ASIC2: variants seen among roughly 807,000 people sequenced by gnomAD.
The protein encoded by ASIC2 is acid sensing ion channel subunit 2, also known as acid-sensing ion channel 2.
ASIC2 carries 25 observed loss-of-function variants against 57.3 expected under a neutral mutation model. That is an observed-to-expected ratio of 0.44 (90% CI 0.32 to 0.61). The LOEUF (loss-of-function observed/expected upper bound fraction) is 0.61. ASIC2 is among the 20% of genes least tolerant of loss of function. ASIC2 has a pLI of 0.06. For synonymous variants in ASIC2, 319 were observed against 307.5 expected (o/e 1.04, Z -0.39); for missense variants, 641 against 738.1 (o/e 0.87, Z 1.52).
intron 1 of ASIC2, among the ~76,000 whole-genome samples, chr17:34,030,360 T>C (rs1448193963): frequency 1.3e-5 from 2 of 152,152 alleles, no homozygotes; most frequent in Non-Finnish European, 1.5e-5. Context: ...ATTAACACCA[T>C]CCGAATGTTT....
chr17:33,498,766 A>G (rs955972922), intron 1 of ASIC2, among the ~76,000 whole-genome samples: 2 of 152,168 alleles, frequency 1.3e-5, no homozygotes, highest in Admixed American at 6.5e-5. Context: ...GCTCTTCCCA[A>G]TGTTGTGGAA....
chr17:34,006,512 C>T (rs1216978703), intron 1 of ASIC2: 1 of 152,138 alleles, frequency 6.6e-6, no homozygotes, highest in African/African-American at 2.4e-5. Flanking sequence ...AGGTTCCTCA[C>T]CTGAAAATCA....
At chr17:33,465,898 G>A (rs1912848800) in intron 1 of ASIC2, among the ~76,000 whole-genome samples, 1 of 152,142 alleles carries the variant, frequency 6.6e-6, no homozygotes, top group South Asian at 2.1e-4. Flanking sequence ...CTTGGTAGCT[G>A]TTGGATTCAA....
chr17:34,055,807 G>A (rs896810919), intron 1 of ASIC2, among the ~76,000 whole-genome samples: 3 of 152,112 alleles, frequency 2.0e-5, no homozygotes, highest in African/African-American at 7.2e-5. Flanking sequence ...CCAATTTTTG[G>A]CTAATGTAAA....
chr17:33,647,623 A>G (rs765409546), intron 1 of ASIC2, among the ~76,000 whole-genome samples: 1 of 152,100 alleles, frequency 6.6e-6, no homozygotes, highest in Non-Finnish European at 1.5e-5. Flanking sequence ...TTCACCCATG[A>G]GTGTGTGTGC....
At chr17:33,867,009 G>A (rs1036151887) in intron 1 of ASIC2, among the ~76,000 whole-genome samples, 1 of 152,216 alleles carries the variant, frequency 6.6e-6, no homozygotes, top group African/African-American at 2.4e-5. Flanking sequence ...CAGATGTTCA[G>A]ACACTAATTG....
At chr17:33,803,336 T>A (rs1280390147) in intron 1 of ASIC2, among the ~76,000 whole-genome samples, 1 of 151,218 alleles carries the variant, frequency 6.6e-6, no homozygotes, top group African/African-American at 2.4e-5. Context: ...CCACTGTGTA[T>A]GTGTATATGT....
rs1171396271 is a variant in ASIC2, at chr17:33,899,156, A to G, written c.555+256822T>C. Among the ~76,000 whole-genome samples the G allele has an allele frequency of 2.0e-5, 3 of 150,816 alleles. No individual in the cohort carries two copies. In the East Asian group the frequency reaches 5.9e-4, roughly 29 times the overall value. On this transcript the variant is annotated intron_variant, in intron 1 of 9. Transcript: ENST00000359872. ...AAAAAAAAAAAAAAGCTCTAAAGGA[A>G]CTCCCCAAGAGAAGTTGTAAAAAAG...
intron 1 of ASIC2, chr17:34,147,179 T>C (rs1193274117): frequency 2.0e-5 from 3 of 152,210 alleles, no homozygotes; most frequent in Non-Finnish European, 4.4e-5. Flanking sequence ...TCTGTTGCAT[T>C]AGAGCGGTAC....
intron 1 of ASIC2, among the ~76,000 whole-genome samples, chr17:33,181,135 C>T (rs756294549): frequency 6.6e-6 from 1 of 152,144 alleles, no homozygotes; most frequent in Non-Finnish European, 1.5e-5. Context: ...AAATGTCAGG[C>T]AGCTGGGCAG....
intron 1 of ASIC2, among the ~76,000 whole-genome samples, chr17:34,111,391 T>A (rs1598032406): frequency 6.6e-6 from 1 of 151,298 alleles, no homozygotes; most frequent in Admixed American, 6.6e-5. Flanking sequence ...AAAACAGTAC[T>A]TTTATACATG....
intron 1 of ASIC2, among the ~76,000 whole-genome samples, chr17:33,446,132 A>C (rs994234915): frequency 1.8e-4 from 27 of 152,100 alleles, no homozygotes; most frequent in Non-Finnish European, 3.4e-4. Context: ...AACTCTTAAG[A>C]AACTGAACTT....
chr17:33,230,904 C>T (rs542454864), intron 1 of ASIC2, among the ~76,000 whole-genome samples: 3 of 152,138 alleles, frequency 2.0e-5, no homozygotes, highest in East Asian at 3.9e-4. Context: ...TCAATATAGG[C>T]GTCTTTAAAA....
intron 1 of ASIC2, among the ~76,000 whole-genome samples, chr17:33,176,131 C>T (rs547851375): frequency 9.3e-4 from 142 of 152,304 alleles, no homozygotes; most frequent in African/African-American, 3.2e-3. Context: ...GAGCCCCACT[C>T]CTCCTTGGAG....
intron 1 of ASIC2, among the ~76,000 whole-genome samples, chr17:34,084,935 G>T (rs1032438059): frequency 2.6e-4 from 40 of 152,244 alleles, no homozygotes; most frequent in Non-Finnish European, 3.7e-4. Context: ...AAGGAGATTT[G>T]GGGCTGAGAC....
intron 2 of ASIC2, among the ~76,000 whole-genome samples, chr17:33,095,175 C>G (rs548528941): frequency 6.6e-6 from 1 of 152,312 alleles, no homozygotes; most frequent in Admixed American, 6.5e-5. Flanking sequence ...TTCAGTATTT[C>G]TGGCTTTTTA....
At chr17:33,994,981 T>C (rs967364565) in intron 1 of ASIC2, among the ~76,000 whole-genome samples, 1 of 152,184 alleles carries the variant, frequency 6.6e-6, no homozygotes, top group African/African-American at 2.4e-5. Context: ...TATAGACCCT[T>C]CCTAGCATTG....
chr17:33,550,406 G>A (rs1380361867), intron 1 of ASIC2, among the ~76,000 whole-genome samples: 2 of 152,220 alleles, frequency 1.3e-5, no homozygotes, highest in African/African-American at 4.8e-5. Context: ...GGGCTCACAT[G>A]TGTGATGTTA....
At chr17:34,120,075 T>TC (rs1360768204) in intron 1 of ASIC2, 1 of 152,154 alleles carries the variant, frequency 6.6e-6, no homozygotes, top group African/African-American at 2.4e-5. Flanking sequence ...TTTCTTGAGC[T>TC]CCATGCTCCC....
Sources: gnomAD v4.1 joint callset for allele counts (sites outside exome capture counted in the v4.1 genomes callset) on GRCh38, gnomAD v4.1.1 for gene constraint, MANE v1.5 for transcripts, NCBI Gene and HGNC (gene_info 2026-07-23, HGNC 2026-07-21) for gene names.